The following PAK2 variants were observed in gnomAD, a reference collection of about 807,000 sequenced individuals.
PAK2 encodes serine/threonine-protein kinase PAK 2.
PAK2 carries 21 observed loss-of-function variants against 65.9 expected under a neutral mutation model. That is an observed-to-expected ratio of 0.32 (90% CI 0.23 to 0.46). PAK2 has a LOEUF of 0.46. Ranked by LOEUF, PAK2 falls within the 20% of genes least tolerant of loss-of-function variation. PAK2 has a pLI of 1.00. For missense variants in PAK2, 324 were observed against 642.6 expected (o/e 0.50, Z 5.36); for synonymous variants, 204 against 219.7 (o/e 0.93, Z 0.63).
Position 196,820,350 on chromosome 3 carries a change from C to CTGTTT in PAK2, c.1154-7_1154-3dup, listed in dbSNP as rs3042835. ...AAACCATCCATGGAAGCCATTAACT[C>CTGTTT]TGTTTTGTTTTGTTTTGTAGCTGAC... On this transcript the variant is annotated intron_variant, in intron 12 of 14. Transcript: ENST00000327134. This position sits in a 1 kb window ranked among gnomAD's most constrained non-coding sequence, Gnocchi z 4.6. The CTGTTT allele has an allele frequency of 0.01, 15,514 of 1,493,460 alleles. 971 individuals are homozygous for CTGTTT. In the Admixed American group the frequency reaches 0.17, roughly 16 times the overall value. The allele number at this position is 1,493,460 out of a possible 1,614,324, so 92.5% of individuals were successfully genotyped here.
intron 2 of PAK2, among the ~76,000 whole-genome samples, chr3:196,783,083 C>T (rs1028795098): frequency 1.3e-5 from 2 of 151,998 alleles, no homozygotes; most frequent in African/African-American, 2.4e-5. Flanking sequence ...TTTCTGAGAC[C>T]TTGGCCATAT....
At position 196,801,997 on chromosome 3, in the gene PAK2, T is replaced by G. The variant is rs1430204555; in HGVS notation, c.258T>G (p.Val86=). 6.2e-7 allele frequency: 1 copy of G among 1,604,428 alleles called. No individual in the cohort carries two copies. The highest frequency in any genetic ancestry group is 2.2e-5 in the East Asian group (1 of 44,842). Residue 86 remains valine (V), a synonymous_variant, in exon 3 of 15, where the codon GTT becomes GTG. Transcript: ENST00000327134. The stretch of plus-strand genomic sequence containing the variant: ...CTGATTTTGAGCACACCATCCATGT[T>G]GGCTTTGATGCTGTTACTGGAGAAT... ...PPSDFEHTIH[V]GFDAVTGEFT...
Position 196,831,404 on chromosome 3 carries a change from A to G in PAK2, c.*2999A>G, listed in dbSNP as rs1320525747. ...TAGGGACAATTAAAACTGGGAAACT[A>G]TGAAACATGGAACATTTTATCCTAC... On this transcript the variant is annotated 3_prime_UTR_variant, in exon 15 of 15. Transcript: ENST00000327134. The G allele has an allele frequency of 1.3e-5, 2 of 152,162 alleles. No homozygotes were observed. Among genetic ancestry groups the G allele is most frequent in the African/African-American group, 4.8e-5 (2 of 41,438 alleles). The allele number at this position is 152,162 out of a possible 1,614,324, so 9.4% of individuals were successfully genotyped here.
At chr3:196,749,990 T>C (rs1352823297) in intron 1 of PAK2, among the ~76,000 whole-genome samples, 6 of 30,534 alleles carry the variant, frequency 2.0e-4, no homozygotes, top group Non-Finnish European at 5.2e-4. Context: ...TGGCTATTTC[T>C]TTTTTTTTTT....
intron 1 of PAK2, among the ~76,000 whole-genome samples, chr3:196,750,891 A>G (rs1000984309): frequency 1.3e-5 from 2 of 152,164 alleles, no homozygotes; most frequent in African/African-American, 2.4e-5. Flanking sequence ...CATGTAACAT[A>G]AAATTACCAT....
chr3:196,749,298 G>T (rs191283860), intron 1 of PAK2, among the ~76,000 whole-genome samples: 1 of 152,150 alleles, frequency 6.6e-6, no homozygotes, highest in Admixed American at 6.5e-5. Flanking sequence ...ATAATTCTGT[G>T]TTTCATTTTT....
Position 196,820,598 on chromosome 3 carries a change from A to G in PAK2, c.1350+31A>G, listed in dbSNP as rs756953313. On this transcript the variant is annotated intron_variant, in intron 13 of 14. Transcript: ENST00000327134. The surrounding 1 kb of genome is among the most constrained non-coding windows in gnomAD (Gnocchi z 4.6). ...ATGAGTTAAACACCAGCCTTGTTCA[A>G]TGTTTTTCTTTGAAACTCTTATTTA... The G allele has an allele frequency of 2.1e-5, 26 of 1,256,408 alleles. No individual in the cohort carries two copies. Among genetic ancestry groups the G allele is most frequent in the African/African-American group, 4.6e-5 (3 of 65,446 alleles). The allele number at this position is 1,256,408 out of a possible 1,614,324, so 77.8% of individuals were successfully genotyped here.
At chr3:196,744,953 C>G (rs766175918) in intron 1 of PAK2, among the ~76,000 whole-genome samples, 13 of 151,100 alleles carry the variant, frequency 8.6e-5, no homozygotes, top group Non-Finnish European at 1.6e-4. Context: ...GAATTGCATT[C>G]CAAAAAGACT....
chr3:196,790,573 T>G (rs555502722), intron 2 of PAK2, among the ~76,000 whole-genome samples: 4 of 152,258 alleles, frequency 2.6e-5, no homozygotes, highest in Admixed American at 2.0e-4. Context: ...ATGAACAGAT[T>G]TCAGATTTCT....
chr3:196,773,633 T>C (rs747280778), intron 1 of PAK2, among the ~76,000 whole-genome samples: 12 of 152,262 alleles, frequency 7.9e-5, no homozygotes, highest in Non-Finnish European at 1.2e-4. Context: ...CCCAGCACTT[T>C]GGGAGGCCGA....
intron 12 of PAK2, among the ~76,000 whole-genome samples, chr3:196,818,755 CA>C (rs1480189948): frequency 3.3e-5 from 5 of 152,036 alleles, no homozygotes; most frequent in African/African-American, 7.2e-5. Flanking sequence ...TTTTGGATGA[CA>C]TTTTTTTTTT....
chr3:196,749,985 A>G (rs1459004771), intron 1 of PAK2, among the ~76,000 whole-genome samples: 2 of 106,080 alleles, frequency 1.9e-5, no homozygotes, highest in Non-Finnish European at 4.2e-5. Context: ...TTACCTGGCT[A>G]TTTCTTTTTT....
chr3:196,825,878 T>G (rs1012377261), intron 13 of PAK2, among the ~76,000 whole-genome samples: 8 of 152,136 alleles, frequency 5.3e-5, no homozygotes, highest in Non-Finnish European at 1.2e-4. Flanking sequence ...AGTCTTGCTG[T>G]CTTGTCCAGG....
chr3:196,775,073 T>C (rs1402907025), intron 1 of PAK2, among the ~76,000 whole-genome samples: 1 of 152,216 alleles, frequency 6.6e-6, no homozygotes, highest in Non-Finnish European at 1.5e-5. Context: ...TTATATTTAT[T>C]GAGATCTAGT....
intron 2 of PAK2, among the ~76,000 whole-genome samples, chr3:196,793,589 G>C (rs927861944): frequency 6.6e-6 from 1 of 151,576 alleles, no homozygotes; most frequent in Non-Finnish European, 1.5e-5. Flanking sequence ...AAAACAATAG[G>C]GATAAAAACA....
At position 196,804,806 on chromosome 3, in the gene PAK2, G is replaced by GATAT. The variant is rs371990910; in HGVS notation, c.437-530_437-527dup. Among the ~76,000 whole-genome samples the GATAT allele has an allele frequency of 2.2e-4, 31 of 142,602 alleles. No homozygotes were observed. The South Asian group carries it at 4.1e-3, about 19-fold the overall frequency. 93.6% of individuals were successfully genotyped at this position (142,602 alleles called of 152,430 possible). A position where few individuals can be genotyped will look rare whatever the true frequency, so the allele number is the denominator to read the frequency against. ...ATATGTGATATGTGTGTGTGTGTGTGATATATATATATATATATACACATA... is the reference window on the plus strand; with the variant it reads ...ATATGTGATATGTGTGTGTGTGTGTGATATATATATATATATATATATACACATA... On this transcript the variant is annotated intron_variant, in intron 4 of 14. Coordinates refer to ENST00000327134, the MANE Select transcript of PAK2 (RefSeq NM_002577.4).
chr3:196,793,025 A>G (rs1715123711), intron 2 of PAK2, among the ~76,000 whole-genome samples: 1 of 152,110 alleles, frequency 6.6e-6, no homozygotes, highest in Admixed American at 6.6e-5. Context: ...CAAGATTTAG[A>G]GGCACACGAC....
chr3:196,753,453 C>T (rs1292309648), intron 1 of PAK2, among the ~76,000 whole-genome samples: 1 of 152,000 alleles, frequency 6.6e-6, no homozygotes, highest in Non-Finnish European at 1.5e-5. Flanking sequence ...CCCAGCCTCC[C>T]TAAGTGCTGG....
chr3:196,827,761 G>C (rs890459353), intron 14 of PAK2, among the ~76,000 whole-genome samples: 3 of 152,064 alleles, frequency 2.0e-5, no homozygotes, highest in Non-Finnish European at 4.4e-5. Context: ...AAAAAAAAAA[G>C]TGAGGGTTTC....
Sources: gnomAD v4.1 joint callset for allele counts (sites outside exome capture counted in the v4.1 genomes callset) on GRCh38, gnomAD v4.1.1 for gene constraint, Gnocchi (gnomAD v3.1) non-coding constraint, MANE v1.5 for transcripts, NCBI Gene and HGNC (gene_info 2026-07-23, HGNC 2026-07-21) for gene names.